IQGAP2: variants seen among roughly 807,000 people sequenced by gnomAD.
IQGAP2 encodes IQ motif containing GTPase activating protein 2.
Under a neutral mutation model 201.3 loss-of-function variants are expected in IQGAP2, and 173 were observed. That is an observed-to-expected ratio of 0.86 (90% CI 0.76 to 0.98). The LOEUF (loss-of-function observed/expected upper bound fraction) is 0.98. Ranked by LOEUF, IQGAP2 falls within the 50% of genes least tolerant of loss-of-function variation. IQGAP2 has a pLI of 0.00. For missense variants in IQGAP2, 1,687 were observed against 1,864.8 expected, an observed-to-expected ratio of 0.90 and a Z score of 1.76; for synonymous variants, 675 against 673.9, an observed-to-expected ratio of 1.00 and a Z score of -0.03.
intron 14 of IQGAP2, chr5:76,628,854 A>G (rs1750467781): frequency 5.9e-6 from 2 of 338,432 alleles, no homozygotes; most frequent in Admixed American, 4.2e-5. Flanking sequence ...AGGTGTGTAT[A>G]TAAGAAATTT....
In IQGAP2 at chr5:76,698,131, GACAACTTAA is replaced by G. The variant is rs1746926075; in HGVS notation, c.4353_4361del (p.Asp1451_Lys1454delinsGlu). 1.3e-6 allele frequency: 2 copies of G among 1,591,294 alleles called. No homozygotes were observed. Among genetic ancestry groups the G allele is most frequent in the Non-Finnish European group, 1.7e-6 (2 of 1,165,340 alleles). On this transcript the variant is annotated inframe_deletion, in exon 33 of 36. Coordinates refer to ENST00000274364, the MANE Select transcript of IQGAP2 (RefSeq NM_006633.5). Reference sequence around the variant, plus strand: ...TGACACCTACATAAAGACTTGTTTAGACAACTTAAAAAGAAAGTAAGTTAAAATCATGTC... The same window carrying G: ...TGACACCTACATAAAGACTTGTTTAGAAAGAAAGTAAGTTAAAATCATGTC...
rs549646784 is a variant in IQGAP2 at position 76,693,550 on chromosome 5, G to A, written c.3993+108G>A. Reference sequence around the variant, plus strand: ...AGAGAAACTGTATCTGACATGGTCCGGAAGTAAGGAATTTTATCTATTACT... The same window carrying A: ...AGAGAAACTGTATCTGACATGGTCCAGAAGTAAGGAATTTTATCTATTACT... On this transcript the variant is annotated intron_variant, in intron 31 of 35. Transcript: ENST00000274364. 94 of 725,832 alleles carry A rather than the reference G, an allele frequency of 1.3e-4. 1 individual carries two copies. Among genetic ancestry groups the A allele is most frequent in the East Asian group, 1.3e-3 (47 of 36,906 alleles). 45.0% of individuals were successfully genotyped at this position (725,832 alleles called of 1,614,324 possible).
At chr5:76,671,690 A>G (rs111278840) in intron 23 of IQGAP2, 69 bp from the exon 24 acceptor site, 3,125 of 37,550 alleles carry the variant, frequency 0.083, 8 homozygotes, top group South Asian at 0.24. Flanking sequence ...TGTCTCGGGG[A>G]AAAAAAAAAA....
chr5:76,503,741 C>T (rs368099441), intron 2 of IQGAP2, among the ~76,000 whole-genome samples: 1 of 151,840 alleles, frequency 6.6e-6, no homozygotes, highest in Non-Finnish European at 1.5e-5. Context: ...CACAGGCATG[C>T]ACTACCATGC....
chr5:76,694,883 G>A (rs550671496), intron 31 of IQGAP2, among the ~76,000 whole-genome samples: 9 of 152,244 alleles, frequency 5.9e-5, no homozygotes, highest in Admixed American at 3.9e-4. Context: ...TTTACTCATC[G>A]TTTGGGAATT....
chr5:76,496,725 T>TTTCTTTTCTTTCTTTC (rs201757003), intron 2 of IQGAP2, among the ~76,000 whole-genome samples: 2 of 93,672 alleles, frequency 2.1e-5, no homozygotes, highest in South Asian at 4.1e-4. Flanking sequence ...TCTTTCTTTC[T>TTTCTTTTCTTTCTTTC]TTTCTTTCTT....
intron 2 of IQGAP2, among the ~76,000 whole-genome samples, chr5:76,540,239 G>T (rs1291715380): frequency 6.6e-6 from 1 of 152,168 alleles, no homozygotes. Context: ...TTAAATAGCA[G>T]AGTTGATGAT....
At chr5:76,497,555 A>G (rs188031654) in intron 2 of IQGAP2, among the ~76,000 whole-genome samples, 159 of 152,316 alleles carry the variant, frequency 1.0e-3, no homozygotes, top group Non-Finnish European at 1.1e-3. Context: ...AATTGAAAAA[A>G]GCCATTTTTG....
chr5:76,484,463 C>A (rs943878380), intron 2 of IQGAP2, among the ~76,000 whole-genome samples: 1 of 152,112 alleles, frequency 6.6e-6, no homozygotes, highest in Non-Finnish European at 1.5e-5. Context: ...GGTGTTCCCC[C>A]ATCATGTTTT....
At chr5:76,573,806 T>C (rs1189038224) in intron 4 of IQGAP2, among the ~76,000 whole-genome samples, 1 of 150,816 alleles carries the variant, frequency 6.6e-6, no homozygotes, top group Non-Finnish European at 1.5e-5. Flanking sequence ...TAATTTTTAG[T>C]AGAGGCGAGG....
At chr5:76,592,636 C>T (rs180685717) in intron 8 of IQGAP2, among the ~76,000 whole-genome samples, 61 of 152,202 alleles carry the variant, frequency 4.0e-4, no homozygotes, top group Admixed American at 9.8e-4. Context: ...CAAAGAGTCA[C>T]CGGGTCTGTC....
At chr5:76,579,978 T>C (rs1745728485) in intron 5 of IQGAP2, among the ~76,000 whole-genome samples, 1 of 152,150 alleles carries the variant, frequency 6.6e-6, no homozygotes, top group Non-Finnish European at 1.5e-5. Context: ...AAAATATCTA[T>C]ATATAAACAA....
intron 16 of IQGAP2, among the ~76,000 whole-genome samples, 168 bp from the exon 17 acceptor site, chr5:76,640,765 A>G (rs75188974): frequency 0.014 from 2,090 of 152,340 alleles, 44 homozygotes; most frequent in African/African-American, 0.048. Flanking sequence ...ATATTGCTAG[A>G]AAGAAGTTAA....
In IQGAP2 at chr5:76,701,178, T is replaced by C. The variant is rs1747352613; in HGVS notation, c.4470T>C (p.Gly1490=). ...KYTAAKLHEK[G]VLLDIDDLQT... ...CTGCAGCAAAGCTGCATGAGAAAGG[T>C]GTCCTGCTAGATATAGATGATCTTC... The change falls in exon 34 of 36, where the codon GGT becomes GGC. Residue 1490 remains glycine (G), a synonymous_variant. Coordinates refer to ENST00000274364, the MANE Select transcript of IQGAP2 (RefSeq NM_006633.5). The C allele has an allele frequency of 6.2e-7, 1 of 1,614,206 alleles. No homozygotes were observed. Among genetic ancestry groups the C allele is most frequent in the African/African-American group, 1.3e-5 (1 of 75,066 alleles).
chr5:76,589,311 C>CAAAA lies in IQGAP2; in HGVS notation c.527-286_527-283dup, dbSNP rs35291690. ...TGGACGACAGAGCGAGACTCTGCCTCAAAAAAAAAAAAAAAAAAAAATTAC... is the reference window on the plus strand; with the variant it reads ...TGGACGACAGAGCGAGACTCTGCCTCAAAAAAAAAAAAAAAAAAAAAAAAATTAC... On this transcript the variant is annotated intron_variant, in intron 6 of 35. Transcript: ENST00000274364. Among the ~76,000 whole-genome samples the CAAAA allele has an allele frequency of 3.6e-3, 381 of 106,762 alleles. 2 individuals are homozygous for CAAAA. Among genetic ancestry groups the CAAAA allele is most frequent in the African/African-American group, 0.013 (366 of 28,380 alleles). The allele number at this position is 106,762 out of a possible 152,430, so 70.0% of individuals were successfully genotyped here.
intron 17 of IQGAP2, among the ~76,000 whole-genome samples, chr5:76,642,323 A>G (rs1364514753): frequency 6.6e-6 from 1 of 152,172 alleles, no homozygotes; most frequent in East Asian, 1.9e-4. Context: ...ATCCCTCTAT[A>G]TTAGAAACCA....
chr5:76,615,914 C>T (rs1414522729), intron 13 of IQGAP2: 4 of 152,578 alleles, frequency 2.6e-5, no homozygotes, highest in East Asian at 3.8e-4. Context: ...GATGTCATCC[C>T]GTATCATCAC....
chr5:76,662,862 C>T (rs1320716862), intron 21 of IQGAP2, among the ~76,000 whole-genome samples: 1 of 152,110 alleles, frequency 6.6e-6, no homozygotes, highest in Non-Finnish European at 1.5e-5. Context: ...TAAATCAACT[C>T]CCCTCCCTCC....
intron 1 of IQGAP2, among the ~76,000 whole-genome samples, chr5:76,418,515 T>C (rs1423001526): frequency 6.6e-6 from 1 of 151,580 alleles, no homozygotes; most frequent in Non-Finnish European, 1.5e-5. Context: ...CTGGGCAATG[T>C]CAGGAGACTC....
Sources: gnomAD v4.1 joint callset for allele counts (sites outside exome capture counted in the v4.1 genomes callset) on GRCh38, gnomAD v4.1.1 for gene constraint, MANE v1.5 for transcripts, NCBI Gene and HGNC (gene_info 2026-07-23, HGNC 2026-07-21) for gene names.